The following ABLIM2 variants were observed in gnomAD, a reference collection of about 807,000 sequenced individuals.
ABLIM2 encodes actin-binding LIM protein 2.
Under a neutral mutation model 97.7 loss-of-function variants are expected in ABLIM2, and 53 were observed. The ratio of observed to expected loss-of-function variants is 0.54; its 90% confidence interval spans 0.44 to 0.68. The LOEUF (loss-of-function observed/expected upper bound fraction) is 0.68. ABLIM2 is among the 30% of genes least tolerant of loss of function. ABLIM2 has a pLI of 0.00. For missense variants in ABLIM2, 835 were observed against 867.2 expected, an observed-to-expected ratio of 0.96 and a Z score of 0.47; for synonymous variants, 361 against 345.8, an observed-to-expected ratio of 1.04 and a Z score of -0.49.
Position 8,071,760 on chromosome 4 carries a change from G to T in ABLIM2, c.675+5868C>A, listed in dbSNP as rs1439107401. 1.0e-6 allele frequency: 1 copy of T among 985,340 alleles called. No homozygotes were observed. The highest frequency in any genetic ancestry group is 1.2e-6 in the Non-Finnish European group (1 of 830,026). The allele number at this position is 985,340 out of a possible 1,614,324, so 61.0% of individuals were successfully genotyped here. ...TCAGCCCCTTGGAGTTGCGGGCCAG[G>T]TTTCCTACCTGCACAGCTTCTGGGC... is the stretch of plus-strand genomic sequence containing the variant. On this transcript the variant is annotated intron_variant, in intron 6 of 20. Coordinates refer to ENST00000447017, the MANE Select transcript of ABLIM2 (RefSeq NM_001130083.2). This position sits in a 1 kb window ranked among gnomAD's most constrained non-coding sequence, Gnocchi z 6.2.
At chr4:8,141,724 G>C (rs564986279) in intron 1 of ABLIM2, among the ~76,000 whole-genome samples, 1 of 152,296 alleles carries the variant, frequency 6.6e-6, no homozygotes, top group East Asian at 1.9e-4. Context: ...GCAGGTTCAC[G>C]TGCAGATCTA....
chr4:8,085,792 C>G lies in ABLIM2; in HGVS notation c.454+2377G>C, dbSNP rs1444782569. Among the ~76,000 whole-genome samples the G allele has an allele frequency of 6.6e-6, 1 of 152,352 alleles. No homozygotes were observed. The highest frequency in any genetic ancestry group is 2.4e-5 in the African/African-American group (1 of 41,584). ...TGTACTCATCTGTAGCATCCTCCCC[C>G]TTCCAGACCCACCTGCTGGAATTCA... On this transcript the variant is annotated intron_variant, in intron 4 of 20. Coordinates refer to ENST00000447017, the MANE Select transcript of ABLIM2 (RefSeq NM_001130083.2). The surrounding 1 kb of genome is among the most constrained non-coding windows in gnomAD (Gnocchi z 6.1).
Position 8,122,142 on chromosome 4 carries a change from C to T in ABLIM2, c.11-15505G>A, listed in dbSNP as rs992241961. On this transcript the variant is annotated intron_variant, in intron 1 of 20. Coordinates refer to ENST00000447017, the MANE Select transcript of ABLIM2 (RefSeq NM_001130083.2). This position sits in a 1 kb window ranked among gnomAD's most constrained non-coding sequence, Gnocchi z 4.1. ...CTGGCCACACCTCAGCTGCAACCCA[C>T]TCCTCCCCAGGCCTTTGAAGATGGG... 3.3e-5 allele frequency among the ~76,000 whole-genome samples: 5 copies of T among 152,224 alleles called. No individual in the cohort carries two copies. Among genetic ancestry groups the T allele is most frequent in the African/African-American group, 7.2e-5 (3 of 41,464 alleles).
intron 17 of ABLIM2, among the ~76,000 whole-genome samples, chr4:7,988,681 GC>G (rs1746359990): frequency 1.3e-5 from 2 of 152,200 alleles, no homozygotes; most frequent in Non-Finnish European, 2.9e-5. Flanking sequence ...TGGGAACCAT[GC>G]TATGGAGCTT....
At chr4:8,040,438 C>G (rs967987099) in intron 9 of ABLIM2, among the ~76,000 whole-genome samples, 3 of 152,064 alleles carry the variant, frequency 2.0e-5, no homozygotes, top group African/African-American at 4.8e-5. Flanking sequence ...TGGTGAGACC[C>G]TGTCTCTACT....
rs550499779 is a variant in ABLIM2, at chr4:8,087,152, A to G, written c.454+1017T>C. Among the ~76,000 whole-genome samples, 15 of 152,296 alleles carry G rather than the reference A, an allele frequency of 9.8e-5. 1 individual carries two copies. The highest frequency in any genetic ancestry group is 3.6e-4 in the African/African-American group (15 of 41,568). ...GATGTTGACCCCAGAAATCAGGAGA[A>G]ACCCCTCCTCTGTCTGGGGACACCC... On this transcript the variant is annotated intron_variant, in intron 4 of 20. Transcript: ENST00000447017. The surrounding 1 kb of genome is among the most constrained non-coding windows in gnomAD (Gnocchi z 4.6).
intron 9 of ABLIM2, among the ~76,000 whole-genome samples, chr4:8,038,208 A>G (rs1394119136): frequency 6.6e-6 from 1 of 152,262 alleles, no homozygotes; most frequent in South Asian, 2.1e-4. Flanking sequence ...CCTTTTCACA[A>G]TGTAGAAGCC....
Position 8,095,891 on chromosome 4 carries a change from T to A in ABLIM2, c.338+1208A>T, listed in dbSNP as rs1396652317. Among the ~76,000 whole-genome samples the A allele has an allele frequency of 1.3e-5, 2 of 152,182 alleles. No individual in the cohort carries two copies. Among genetic ancestry groups the A allele is most frequent in the African/African-American group, 4.8e-5 (2 of 41,434 alleles). The stretch of plus-strand genomic sequence containing the variant: ...GTTTCGCTTGCAGCAACCTGGTCAT[T>A]CTCTGCCCCACTGTGTGAAATTCCT... On this transcript the variant is annotated intron_variant, in intron 3 of 20. Coordinates refer to ENST00000447017, the MANE Select transcript of ABLIM2 (RefSeq NM_001130083.2). This position sits in a 1 kb window ranked among gnomAD's most constrained non-coding sequence, Gnocchi z 4.7.
Position 8,088,257 on chromosome 4 carries a change from C to T in ABLIM2, c.366G>A (p.Val122=), listed in dbSNP as rs1423578707. Residue 122 remains valine, a synonymous_variant, in exon 4 of 21, where the codon GTG becomes GTA. Transcript: ENST00000447017. The part of the protein sequence containing the change: ...CRLPFPPGDR[V]TFNGKECMCQ... The stretch of plus-strand genomic sequence containing the variant: ...ACATGCATTCCTTCCCGTTGAAGGT[C>T]ACTCGGTCCCCGGGGGGGAAGGGCA... 1 of 1,612,972 alleles carries T rather than the reference C, an allele frequency of 6.2e-7. No homozygotes were observed. The highest frequency in any genetic ancestry group is 2.2e-5 in the East Asian group (1 of 44,836).
rs987605305 is a variant in ABLIM2, at chr4:8,127,596, C to A, written c.11-20959G>T. 8 of 1,289,586 alleles carry A rather than the reference C, an allele frequency of 6.2e-6. No homozygotes were observed. The highest frequency in any genetic ancestry group is 7.1e-6 in the Non-Finnish European group (7 of 988,808). 79.9% of individuals were successfully genotyped at this position (1,289,586 alleles called of 1,614,324 possible). The stretch of plus-strand genomic sequence containing the variant: ...TGGAGCGTGGCTGCTTGCAAAGGGC[C>A]AGCGGGTCGGCGGCTCTCCCTCTGC... On this transcript the variant is annotated intron_variant, in intron 1 of 20. Transcript: ENST00000447017. The surrounding 1 kb of genome is among the most constrained non-coding windows in gnomAD (Gnocchi z 7.3).
chr4:7,982,036 C>G (rs910779256), intron 20 of ABLIM2, among the ~76,000 whole-genome samples: 1 of 152,192 alleles, frequency 6.6e-6, no homozygotes, highest in Admixed American at 6.5e-5. Context: ...GGCCCCAGCA[C>G]TAGGGTACTG....
intron 17 of ABLIM2, among the ~76,000 whole-genome samples, chr4:7,991,022 C>T (rs13129405): frequency 0.11 from 16,348 of 152,228 alleles, 1,000 homozygotes; most frequent in Non-Finnish European, 0.15. Context: ...CGCCAGCTAA[C>T]GCTCTCCTTC....
rs1852183405 is a variant in ABLIM2 at position 8,148,451 on chromosome 4, G to GGGTT, written c.10+10225_10+10228dup. Among the ~76,000 whole-genome samples the GGGTT allele has an allele frequency of 2.0e-5, 3 of 152,172 alleles. No homozygotes were observed. The highest frequency in any genetic ancestry group is 7.2e-5 in the African/African-American group (3 of 41,436). On this transcript the variant is annotated intron_variant, in intron 1 of 20. Transcript: ENST00000447017. This position sits in a 1 kb window ranked among gnomAD's most constrained non-coding sequence, Gnocchi z 6.7. The stretch of plus-strand genomic sequence containing the variant: ...CATGGCGCACCACAGTTAGGAGTGC[G>GGGTT]GGTTCTGCAGCTGGCACGGTGCTTC...
At chr4:8,126,737 C>G (rs1848141628) in intron 1 of ABLIM2, among the ~76,000 whole-genome samples, 1 of 151,966 alleles carries the variant, frequency 6.6e-6, no homozygotes, top group Non-Finnish European at 1.5e-5. Flanking sequence ...CTGCCAGATG[C>G]CAGAGGCACA....
At chr4:7,974,949 T>C (rs1731760108) in intron 20 of ABLIM2, among the ~76,000 whole-genome samples, 1 of 152,238 alleles carries the variant, frequency 6.6e-6, no homozygotes, top group African/African-American at 2.4e-5. Context: ...CTGGACGCAG[T>C]GGCTCATGAC....
intron 1 of ABLIM2, among the ~76,000 whole-genome samples, chr4:8,118,172 T>C (rs1428590917): frequency 1.3e-5 from 2 of 152,216 alleles, no homozygotes; most frequent in Non-Finnish European, 2.9e-5. Context: ...AGGCCGAGGC[T>C]GGACCCTGAG....
intron 20 of ABLIM2, among the ~76,000 whole-genome samples, chr4:7,976,281 C>T (rs778245153): frequency 6.6e-6 from 1 of 152,168 alleles, no homozygotes; most frequent in Non-Finnish European, 1.5e-5. Context: ...TTCGACTTCC[C>T]ACAGATCATC....
chr4:8,074,694 G>T (rs1814747110), intron 6 of ABLIM2, among the ~76,000 whole-genome samples: 1 of 151,914 alleles, frequency 6.6e-6, no homozygotes, highest in Non-Finnish European at 1.5e-5. Flanking sequence ...TTTTTAAAGG[G>T]TGTTCGCTGC....
At chr4:8,101,394 G>A (rs1471930109) in intron 2 of ABLIM2, among the ~76,000 whole-genome samples, 1 of 152,208 alleles carries the variant, frequency 6.6e-6, no homozygotes, top group Non-Finnish European at 1.5e-5. Context: ...CAGGGCCAAG[G>A]CCCACCTGTC....
Sources: gnomAD v4.1 joint callset for allele counts (sites outside exome capture counted in the v4.1 genomes callset) on GRCh38, gnomAD v4.1.1 for gene constraint, Gnocchi (gnomAD v3.1) non-coding constraint, MANE v1.5 for transcripts, NCBI Gene and HGNC (gene_info 2026-07-23, HGNC 2026-07-21) for gene names.